EBF2: variants seen among roughly 807,000 people sequenced by gnomAD.
EBF2 encodes the protein transcription factor COE2.
A neutral mutation model predicts 72.8 loss-of-function variants in EBF2; 21 were observed. The ratio of observed to expected loss-of-function variants is 0.29; its 90% CI spans 0.20 to 0.42. The LOEUF (loss-of-function observed/expected upper bound fraction) is 0.42, where lower values mean the gene tolerates loss of function less well. Among genes scored for constraint, EBF2 ranks in the 10% least tolerant of loss-of-function variants. The pLI, the probability that EBF2 is intolerant of heterozygous loss-of-function variation, is 1.00. For synonymous variants in EBF2, 299 were observed against 274.2 expected, an observed-to-expected ratio of 1.09 and a Z score of -0.89; for missense variants, 637 against 731.2, an observed-to-expected ratio of 0.87 and a Z score of 1.49.
chr8:25,898,847 A>T (rs949317377), intron 7 of EBF2, among the ~76,000 whole-genome samples: 1 of 152,106 alleles, frequency 6.6e-6, no homozygotes, highest in Non-Finnish European at 1.5e-5. Flanking sequence ...GACTAAGAAC[A>T]CTTTGCTTTC....
chr8:25,903,778 T>C (rs1802993314), intron 7 of EBF2, among the ~76,000 whole-genome samples: 1 of 152,096 alleles, frequency 6.6e-6, no homozygotes, highest in African/African-American at 2.4e-5. Context: ...GTGGATTTAA[T>C]AGATACTTAG....
At chr8:26,036,824 G>A (rs1805508622) in intron 5 of EBF2, among the ~76,000 whole-genome samples, 1 of 151,906 alleles carries the variant, frequency 6.6e-6, no homozygotes, top group Admixed American at 6.6e-5. Context: ...AGGCTTTTAG[G>A]ATTATTCTCC....
intron 6 of EBF2, among the ~76,000 whole-genome samples, chr8:25,956,738 G>A (rs1205093359): frequency 1.3e-5 from 2 of 152,186 alleles, no homozygotes; most frequent in African/African-American, 2.4e-5. Flanking sequence ...AGGGCAGGTG[G>A]GGCCGTTGTG....
intron 6 of EBF2, among the ~76,000 whole-genome samples, chr8:25,977,246 C>A (rs769739266): frequency 2.0e-5 from 3 of 152,150 alleles, no homozygotes; most frequent in African/African-American, 7.2e-5. Context: ...CCCCTTAATA[C>A]GTGCACATCG....
intron 6 of EBF2, among the ~76,000 whole-genome samples, chr8:25,960,839 C>A (rs1804023523): frequency 6.6e-6 from 1 of 152,144 alleles, no homozygotes; most frequent in Non-Finnish European, 1.5e-5. Flanking sequence ...TAATGAAGTC[C>A]ACTTAAAGGT....
intron 6 of EBF2, among the ~76,000 whole-genome samples, chr8:26,005,830 CAAAAA>C (rs34153696): frequency 8.4e-6 from 1 of 118,570 alleles, no homozygotes; most frequent in Admixed American, 9.1e-5. Flanking sequence ...GACCAAGTCT[CAAAAA>C]AAAAAAAAAA....
chr8:26,016,838 C>T (rs1009957402), intron 6 of EBF2, among the ~76,000 whole-genome samples: 2 of 152,134 alleles, frequency 1.3e-5, no homozygotes, highest in African/African-American at 4.8e-5. Context: ...TGGTTAAGGT[C>T]ATCACTTTTG....
At position 25,978,908 on chromosome 8, in the gene EBF2, G is replaced by C. The variant is rs569081430; in HGVS notation, c.551+54177C>G. ...GTAAATAAAGGGTCTGACGCTGGGC[G>C]GGGGGCGGAGTGGTGCGGGTTGGTT... On this transcript the variant is annotated intron_variant, in intron 6 of 15. Transcript: ENST00000520164. Among the ~76,000 whole-genome samples, 6 of 152,266 alleles carry C rather than the reference G, an allele frequency of 3.9e-5. No individual in the cohort carries two copies. The East Asian group carries it at 1.2e-3, about 29-fold the overall frequency.
At chr8:25,851,123 T>G (rs1801960507) in intron 14 of EBF2, among the ~76,000 whole-genome samples, 1 of 152,018 alleles carries the variant, frequency 6.6e-6, no homozygotes, top group Non-Finnish European at 1.5e-5. Context: ...CAAACATGCC[T>G]GAAAAATCAT....
intron 6 of EBF2, among the ~76,000 whole-genome samples, chr8:26,008,213 T>A (rs1035422565): frequency 2.0e-5 from 3 of 152,166 alleles, no homozygotes; most frequent in African/African-American, 7.2e-5. Context: ...CGGCTATAAG[T>A]ACAAGGCTAG....
At chr8:25,926,707 C>CCAGGCTCTT (rs1803393533) in intron 6 of EBF2, among the ~76,000 whole-genome samples, 1 of 152,132 alleles carries the variant, frequency 6.6e-6, no homozygotes, top group Admixed American at 6.5e-5. Context: ...CTCCACATTC[C>CCAGGCTCTT]CAGGCTCTTT....
intron 10 of EBF2, among the ~76,000 whole-genome samples, chr8:25,884,294 C>T (rs1311535880): frequency 6.6e-6 from 1 of 152,128 alleles, no homozygotes; most frequent in African/African-American, 2.4e-5. Context: ...CCAGGCACTG[C>T]TCCAGTGAAC....
intron 6 of EBF2, among the ~76,000 whole-genome samples, chr8:25,979,288 A>G (rs1804319673): frequency 6.6e-6 from 1 of 152,194 alleles, no homozygotes; most frequent in South Asian, 2.1e-4. Context: ...CCTCCAAGGG[A>G]ACTGCACGCT....
chr8:25,916,776 G>C (rs1803225083), intron 6 of EBF2, among the ~76,000 whole-genome samples: 1 of 152,092 alleles, frequency 6.6e-6, no homozygotes, highest in Admixed American at 6.6e-5. Context: ...AAAATTCAGA[G>C]CTACCCACAC....
At chr8:25,942,268 G>C (rs1010642779) in intron 6 of EBF2, among the ~76,000 whole-genome samples, 1 of 152,364 alleles carries the variant, frequency 6.6e-6, no homozygotes, top group African/African-American at 2.4e-5. Flanking sequence ...TGGTACAAAT[G>C]TATGGAGTAC....
Position 25,907,847 on chromosome 8 carries a change from A to G in EBF2, c.633+627T>C, listed in dbSNP as rs6982847. 1.4e-4 allele frequency among the ~76,000 whole-genome samples: 21 copies of G among 152,236 alleles called. No homozygotes were observed. In the South Asian group the frequency reaches 4.4e-3, roughly 32 times the overall value. On this transcript the variant is annotated intron_variant, in intron 7 of 15. Transcript: ENST00000520164. Reference sequence around the variant, plus strand: ...TCAAAGCTCAAGGAAGGGGGCCGAGAGGAGCTGCTCTTGCTTTCGTCTCCA... The same window carrying G: ...TCAAAGCTCAAGGAAGGGGGCCGAGGGGAGCTGCTCTTGCTTTCGTCTCCA...
chr8:26,003,762 G>A (rs1229581810), intron 6 of EBF2, among the ~76,000 whole-genome samples: 1 of 152,160 alleles, frequency 6.6e-6, no homozygotes, highest in African/African-American at 2.4e-5. Flanking sequence ...ATTGAGAACT[G>A]AGAAGGGGCA....
intron 6 of EBF2, among the ~76,000 whole-genome samples, chr8:26,003,099 G>A (rs1306174091): frequency 6.6e-6 from 1 of 152,048 alleles, no homozygotes; most frequent in Non-Finnish European, 1.5e-5. Flanking sequence ...AACCAGAATG[G>A]GTCACTTGTC....
chr8:25,928,684 A>C (rs1204184567), intron 6 of EBF2, among the ~76,000 whole-genome samples: 1 of 152,054 alleles, frequency 6.6e-6, no homozygotes, highest in Non-Finnish European at 1.5e-5. Flanking sequence ...GGAAATATGT[A>C]CAAAGAAGCT....
Sources: allele counts gnomAD v4.1 joint callset (sites outside exome capture counted in the v4.1 genomes callset), GRCh38; gene constraint gnomAD v4.1.1; transcripts MANE v1.5; gene names NCBI Gene and HGNC (gene_info 2026-07-23, HGNC 2026-07-21).